Variants in GPR158 observed in about 807,000 individuals in gnomAD.
GPR158 encodes the protein metabotropic glycine receptor.
A neutral mutation model predicts 78.2 loss-of-function variants in GPR158; 30 were observed. The observed-to-expected ratio is 0.38, with a 90% CI of 0.29 to 0.52. The LOEUF (loss-of-function observed/expected upper bound fraction) is 0.52, where lower values mean the gene tolerates loss of function less well. GPR158 is among the 20% of genes least tolerant of loss of function. The probability of loss-of-function intolerance (pLI) is 0.83; values close to 1 mark genes in which losing one functional copy is unlikely to be tolerated. For synonymous variants in GPR158, 581 were observed against 591.1 expected (o/e 0.98, Z 0.25); for missense variants, 1,463 against 1,523.5 (o/e 0.96, Z 0.66).
At chr10:25,262,142 G>T (rs1054278114) in intron 2 of GPR158, among the ~76,000 whole-genome samples, 1 of 152,094 alleles carries the variant, frequency 6.6e-6, no homozygotes, top group African/African-American at 2.4e-5. Context: ...TGATTTTAGT[G>T]TCTACAAGAT....
rs1166517382 is a variant in GPR158, at chr10:25,599,909, G to A, written c.*635G>A. ...AATCTGCAGCTATTCAATTGTTATT[G>A]CACCTTACAGAATACCTGCTATCTA... On this transcript the variant is annotated 3_prime_UTR_variant, in exon 11 of 11. Coordinates refer to ENST00000376351, the MANE Select transcript of GPR158 (RefSeq NM_020752.3). 1 of 152,628 alleles carries A rather than the reference G, an allele frequency of 6.6e-6. No individual in the cohort carries two copies. The highest frequency in any genetic ancestry group is 1.5e-5 in the Non-Finnish European group (1 of 68,082). 9.5% of individuals were successfully genotyped at this position (152,628 alleles called of 1,614,324 possible).
chr10:25,443,573 AT>A lies in GPR158; in HGVS notation c.1336-23064del, dbSNP rs1368718092. On this transcript the variant is annotated intron_variant, in intron 4 of 10. Transcript: ENST00000376351. ...CTGTTTCAAAAAAAAAAAAAAAAAA[AT>A]TTTTTTTTTTTTTGTAGAGGTGTCA... Among the ~76,000 whole-genome samples, 887 of 92,668 alleles carry A rather than the reference AT, an allele frequency of 9.6e-3. 4 individuals are homozygous for A. Among genetic ancestry groups the A allele is most frequent in the Non-Finnish European group, 0.014 (660 of 48,654 alleles). The allele number at this position is 92,668 out of a possible 152,430, so 60.8% of individuals were successfully genotyped here. A position where few individuals can be genotyped will look rare whatever the true frequency, so the allele number is the denominator to read the frequency against.
intron 5 of GPR158, among the ~76,000 whole-genome samples, chr10:25,504,621 G>A (rs551114159): frequency 3.3e-5 from 5 of 152,274 alleles, no homozygotes; most frequent in East Asian, 1.9e-4. Context: ...CTTTCCCGGA[G>A]AGAAGTTTTC....
rs775204075 is a variant in GPR158 at position 25,412,368 on chromosome 10, C to T, written c.1230C>T (p.Val410=). 6.2e-7 allele frequency: 1 copy of T among 1,613,720 alleles called. No individual in the cohort carries two copies. The highest frequency in any genetic ancestry group is 1.3e-5 in the African/African-American group (1 of 74,930). The change falls in exon 4 of 11, where the codon GTC becomes GTT. Residue 410 remains valine, a synonymous_variant. Transcript: ENST00000376351. ...PFCADDSPCF[V]QEDKYLRLAI... is the part of the protein sequence containing the mutation. ...GTGCTGATGACAGCCCATGCTTCGT[C>T]CAGGAAGATAAGTATTTACGACTTG...
chr10:25,319,822 A>AC (rs11379091), intron 2 of GPR158, among the ~76,000 whole-genome samples: 78,111 of 132,888 alleles, frequency 0.59, 22,992 homozygotes, highest in Non-Finnish European at 0.71. Context: ...TGAACACCCC[A>AC]CCCCCCCCAA....
intron 2 of GPR158, among the ~76,000 whole-genome samples, chr10:25,379,918 T>A (rs1760766): frequency 0.66 from 99,403 of 150,424 alleles, 33,970 homozygotes; most frequent in Non-Finnish European, 0.75. Flanking sequence ...TGGATCTTGG[T>A]CCCTCCATTT....
intron 2 of GPR158, among the ~76,000 whole-genome samples, chr10:25,303,109 A>T (rs1169083925): frequency 6.6e-6 from 1 of 152,244 alleles, no homozygotes; most frequent in Non-Finnish European, 1.5e-5. Context: ...ATAGTAATTT[A>T]GGTCAAAGCT....
chr10:25,559,423 T>C (rs942899226), intron 6 of GPR158, among the ~76,000 whole-genome samples: 18 of 152,182 alleles, frequency 1.2e-4, no homozygotes, highest in African/African-American at 3.6e-4. Flanking sequence ...TATGTAGCAA[T>C]GTGTATCAAG....
intron 2 of GPR158, among the ~76,000 whole-genome samples, chr10:25,336,132 TAAA>T (rs1358775058): frequency 3.3e-5 from 5 of 152,078 alleles, no homozygotes; most frequent in Non-Finnish European, 7.4e-5. Context: ...TGTATTTAGT[TAAA>T]TACTTAAACT....
At chr10:25,532,217 C>T (rs1289095157) in intron 5 of GPR158, among the ~76,000 whole-genome samples, 3 of 152,064 alleles carry the variant, frequency 2.0e-5, no homozygotes, top group South Asian at 2.1e-4. Context: ...AGGTGGGTTT[C>T]GTTGTTTGTT....
intron 4 of GPR158, among the ~76,000 whole-genome samples, chr10:25,457,983 T>C (rs1295357782): frequency 6.6e-6 from 1 of 152,262 alleles, no homozygotes; most frequent in Non-Finnish European, 1.5e-5. Flanking sequence ...CAGCAATATA[T>C]GATAAATCAT....
intron 2 of GPR158, among the ~76,000 whole-genome samples, chr10:25,350,343 C>T (rs971758133): frequency 6.6e-6 from 1 of 151,974 alleles, no homozygotes; most frequent in Non-Finnish European, 1.5e-5. Context: ...CAGAAGAGGA[C>T]TATTGCAGAA....
intron 1 of GPR158, among the ~76,000 whole-genome samples, chr10:25,200,665 A>G (rs1032638810): frequency 1.3e-5 from 2 of 151,918 alleles, no homozygotes; most frequent in African/African-American, 4.8e-5. Flanking sequence ...TCTTGAATTG[A>G]TTTTTGTATA....
At chr10:25,343,588 GT>G (rs2130509303) in intron 2 of GPR158, among the ~76,000 whole-genome samples, 1 of 152,056 alleles carries the variant, frequency 6.6e-6, no homozygotes, top group South Asian at 2.1e-4. Context: ...TTGTTCAGTA[GT>G]TTTTAAACTT....
At chr10:25,421,448 T>C (rs115729807) in intron 4 of GPR158, among the ~76,000 whole-genome samples, 22 of 152,314 alleles carry the variant, frequency 1.4e-4, no homozygotes, top group African/African-American at 4.8e-4. Flanking sequence ...CCAAGACCTG[T>C]AGCATTTCTT....
chr10:25,505,116 AAC>A lies in GPR158; in HGVS notation c.1404+38401_1404+38402del, dbSNP rs1452475059. Among the ~76,000 whole-genome samples the A allele has an allele frequency of 2.6e-5, 4 of 152,368 alleles. No homozygotes were observed. The East Asian group carries it at 7.7e-4, about 29-fold the overall frequency. ...ACGTGTAAAACTTAGAACTGTGCCT[AAC>A]ACATAATAGACATTGTATAAACATT... On this transcript the variant is annotated intron_variant, in intron 5 of 10. Coordinates refer to ENST00000376351, the MANE Select transcript of GPR158 (RefSeq NM_020752.3).
At chr10:25,254,238 T>G (rs980745607) in intron 2 of GPR158, among the ~76,000 whole-genome samples, 1 of 152,182 alleles carries the variant, frequency 6.6e-6, no homozygotes, top group Admixed American at 6.5e-5. Flanking sequence ...TTTTCTTATT[T>G]TCATTGAAAC....
intron 2 of GPR158, among the ~76,000 whole-genome samples, chr10:25,330,017 T>TC (rs1360814169): frequency 1.3e-5 from 2 of 148,724 alleles, no homozygotes; most frequent in Non-Finnish European, 1.5e-5. Context: ...GATAATTCTT[T>TC]TTTTTTTTTG....
At chr10:25,389,796 T>C (rs1461970039) in intron 2 of GPR158, among the ~76,000 whole-genome samples, 1 of 152,158 alleles carries the variant, frequency 6.6e-6, no homozygotes, top group African/African-American at 2.4e-5. Context: ...CTGTGGTTCC[T>C]GGCATCCCCA....
Sources: allele counts gnomAD v4.1 joint callset (sites outside exome capture counted in the v4.1 genomes callset), GRCh38; gene constraint gnomAD v4.1.1; transcripts MANE v1.5; gene names NCBI Gene and HGNC (gene_info 2026-07-23, HGNC 2026-07-21).